Variants in SPINT2 observed in about 807,000 individuals in gnomAD.
The protein encoded by SPINT2 is kunitz-type protease inhibitor 2.
A neutral mutation model predicts 30.1 loss-of-function variants in SPINT2; 18 were observed. That is an observed-to-expected ratio of 0.60 (90% CI 0.41 to 0.89). SPINT2 has a LOEUF of 0.89. Among genes scored for constraint, SPINT2 ranks in the 40% least tolerant of loss-of-function variants. The pLI, the probability that SPINT2 is intolerant of heterozygous loss-of-function variation, is 0.00. For synonymous variants in SPINT2, 139 were observed against 137.9 expected, an observed-to-expected ratio of 1.01 and a Z score of -0.05; for missense variants, 276 against 334.3, an observed-to-expected ratio of 0.83 and a Z score of 1.36.
chr19:38,282,626 T>C (rs1968592638), intron 1 of SPINT2, among the ~76,000 whole-genome samples: 1 of 152,220 alleles, frequency 6.6e-6, no homozygotes, highest in South Asian at 2.1e-4. Flanking sequence ...TTTGTTTCCC[T>C]TTTACTAAAG....
intron 4 of SPINT2, chr19:38,289,771 T>C: frequency 2.7e-6 from 1 of 375,506 alleles, no homozygotes; most frequent in South Asian, 2.3e-5. Flanking sequence ...CCTGAACCTC[T>C]CGCCAGCGGC....
At chr19:38,266,096 TG>T (rs1968375025) in intron 1 of SPINT2, among the ~76,000 whole-genome samples, 1 of 152,114 alleles carries the variant, frequency 6.6e-6, no homozygotes, top group African/African-American at 2.4e-5. Flanking sequence ...CACGGAGACC[TG>T]GGGGACCAGT....
At position 38,264,817 on chromosome 19, in the gene SPINT2, T is replaced by G; in HGVS notation, c.-76T>G. 2.3e-5 allele frequency: 32 copies of G among 1,421,800 alleles called. No homozygotes were observed. The highest frequency in any genetic ancestry group is 2.9e-5 in the Non-Finnish European group (30 of 1,049,276). 88.1% of individuals were successfully genotyped at this position (1,421,800 alleles called of 1,614,324 possible). A position where few individuals can be genotyped will look rare whatever the true frequency, so the allele number is the denominator to read the frequency against. ...CGAGGCGCTCCATTGCGCGTGCGCG[T>G]TGAGGGGCTTCCCGCACCTGATCGC... On this transcript the variant is annotated 5_prime_UTR_variant, in exon 1 of 7. Transcript: ENST00000301244.
At chr19:38,278,719 T>C (rs1968546919) in intron 1 of SPINT2, among the ~76,000 whole-genome samples, 1 of 152,152 alleles carries the variant, frequency 6.6e-6, no homozygotes, top group African/African-American at 2.4e-5. Flanking sequence ...GAAGGATTGC[T>C]TGAGCTCAGG....
intron 1 of SPINT2, among the ~76,000 whole-genome samples, chr19:38,268,966 A>G (rs1196223699): frequency 2.6e-5 from 4 of 152,148 alleles, no homozygotes; most frequent in Non-Finnish European, 5.9e-5. Context: ...AGAAACTTGA[A>G]AGGTCCTTTA....
At chr19:38,266,249 G>A (rs1339982132) in intron 1 of SPINT2, among the ~76,000 whole-genome samples, 1 of 152,180 alleles carries the variant, frequency 6.6e-6, no homozygotes, top group African/African-American at 2.4e-5. Context: ...GGAGAGGTTG[G>A]CTGCAGCCAG....
chr19:38,286,093 GTC>G (rs1248726883), intron 2 of SPINT2, among the ~76,000 whole-genome samples: 3 of 152,172 alleles, frequency 2.0e-5, no homozygotes, highest in South Asian at 2.1e-4. Flanking sequence ...TGCAATGTGT[GTC>G]TCTCGAGGCG....
chr19:38,291,775 T>G (rs923736359), intron 6 of SPINT2, 65 bp from the exon 7 acceptor site: 3 of 1,579,580 alleles, frequency 1.9e-6, no homozygotes, highest in Non-Finnish European at 2.6e-6. Context: ...AGGCCCTTGG[T>G]GAGCGCCACT....
In SPINT2 at chr19:38,269,626, T is replaced by C. The variant is rs1157501395; in HGVS notation, c.106+4628T>C. Among the ~76,000 whole-genome samples the C allele has an allele frequency of 5.5e-5, 8 of 144,482 alleles. No individual in the cohort carries two copies. The East Asian group carries it at 1.6e-3, about 29-fold the overall frequency. The allele number at this position is 144,482 out of a possible 152,430, so 94.8% of individuals were successfully genotyped here. On this transcript the variant is annotated intron_variant, in intron 1 of 6. Coordinates refer to ENST00000301244, the MANE Select transcript of SPINT2 (RefSeq NM_021102.4). The stretch of plus-strand genomic sequence containing the variant: ...TCTTTTCTTTTTTTTTTTTTTTTTT[T>C]GAGACGGAGTGTCTCGCTCTGTCGC...
intron 1 of SPINT2, among the ~76,000 whole-genome samples, chr19:38,266,487 G>A (rs980647660): frequency 6.6e-6 from 1 of 151,984 alleles, no homozygotes; most frequent in African/African-American, 2.4e-5. Flanking sequence ...ACCACCCTAG[G>A]CAACATGATG....
In SPINT2 at chr19:38,291,827, C is replaced by T. The variant is rs1380477388; in HGVS notation, c.593-13C>T. 1.2e-6 allele frequency: 2 copies of T among 1,611,762 alleles called. No individual in the cohort carries two copies. The highest frequency in any genetic ancestry group is 1.7e-6 in the Non-Finnish European group (2 of 1,179,758). ...TTGCCTGGCCCGTCCTGAGGCCCCT[C>T]TCTCGTCCTCAGTGGTGGTTCTGGC... On this transcript the variant is annotated splice_polypyrimidine_tract_variant and intron_variant, in intron 6 of 6. Transcript: ENST00000301244.
chr19:38,281,941 C>A (rs913911169), intron 1 of SPINT2, among the ~76,000 whole-genome samples: 1 of 152,156 alleles, frequency 6.6e-6, no homozygotes, highest in Non-Finnish European at 1.5e-5. Flanking sequence ...TGTACACTTT[C>A]ATTCATATGA....
At chr19:38,288,810 T>C in intron 3 of SPINT2, 1 of 332,794 alleles carries the variant, frequency 3.0e-6, no homozygotes, top group South Asian at 2.9e-5. Context: ...AGCTCTGGTT[T>C]CCATCTTGTT....
chr19:38,283,276 C>T (rs923113721), intron 1 of SPINT2, among the ~76,000 whole-genome samples: 1 of 152,134 alleles, frequency 6.6e-6, no homozygotes, highest in East Asian at 1.9e-4. Flanking sequence ...GATCGAGTCA[C>T]CACACTCCAG....
intron 1 of SPINT2, among the ~76,000 whole-genome samples, chr19:38,271,832 G>A (rs1968460613): frequency 6.6e-6 from 1 of 151,090 alleles, no homozygotes; most frequent in Non-Finnish European, 1.5e-5. Context: ...AAAAAAAGAG[G>A]GCAAGAATTC....
Position 38,289,299 on chromosome 19 carries a change from A to G in SPINT2, c.391+108A>G. On this transcript the variant is annotated intron_variant, in intron 4 of 6. Transcript: ENST00000301244. ...GTCAGGATATCAAGACCATCCTAAC[A>G]TGGTGAAACCCTGTCTCTACTAAAA... The G allele has an allele frequency of 3.2e-6, 3 of 938,022 alleles. No individual in the cohort carries two copies. The South Asian group carries it at 3.9e-5, about 12-fold the overall frequency. 58.1% of individuals were successfully genotyped at this position (938,022 alleles called of 1,614,324 possible). A position where few individuals can be genotyped will look rare whatever the true frequency, so the allele number is the denominator to read the frequency against.
chr19:38,279,578 C>T (rs112489426), intron 1 of SPINT2, among the ~76,000 whole-genome samples: 31 of 152,208 alleles, frequency 2.0e-4, no homozygotes, highest in African/African-American at 7.5e-4. Context: ...CATCACACAG[C>T]TTCAACAACT....
chr19:38,286,879 A>G (rs1366289014), intron 2 of SPINT2, among the ~76,000 whole-genome samples: 1 of 152,168 alleles, frequency 6.6e-6, no homozygotes, highest in African/African-American at 2.4e-5. Context: ...ATGTTGCCCA[A>G]GCTGGTCTCA....
chr19:38,290,063 C>T lies in SPINT2; in HGVS notation c.392-56C>T. On this transcript the variant is annotated intron_variant, in intron 4 of 6. Coordinates refer to ENST00000301244, the MANE Select transcript of SPINT2 (RefSeq NM_021102.4). This position sits in a 1 kb window ranked among gnomAD's most constrained non-coding sequence, Gnocchi z 4.3. Reference sequence around the variant, plus strand: ...GCCTCCTCAGGCACTTTCTGGCTTGCTTCCCCTCCTTGCGGGCCCTACTAA... The same window carrying T: ...GCCTCCTCAGGCACTTTCTGGCTTGTTTCCCCTCCTTGCGGGCCCTACTAA... 1 of 1,604,110 alleles carries T rather than the reference C, an allele frequency of 6.2e-7. No homozygotes were observed. The highest frequency in any genetic ancestry group is 1.7e-5 in the Admixed American group (1 of 60,006).
Sources: gnomAD v4.1 joint callset for allele counts (sites outside exome capture counted in the v4.1 genomes callset) on GRCh38, gnomAD v4.1.1 for gene constraint, Gnocchi (gnomAD v3.1) non-coding constraint, MANE v1.5 for transcripts, NCBI Gene and HGNC (gene_info 2026-07-23, HGNC 2026-07-21) for gene names.